The following COL6A3 variants were observed in gnomAD, a reference collection of about 807,000 sequenced individuals.
COL6A3 encodes the protein collagen type VI alpha 3 chain.
In COL6A3, 137 loss-of-function variants were observed where a neutral mutation model predicts 274.1. The ratio of observed to expected loss-of-function variants is 0.50; its 90% CI spans 0.44 to 0.58. The LOEUF (loss-of-function observed/expected upper bound fraction) is 0.58, where lower values mean the gene tolerates loss of function less well. Ranked by LOEUF, COL6A3 falls within the 20% of genes least tolerant of loss-of-function variation. COL6A3 has a pLI of 0.00. For synonymous variants in COL6A3, 1,650 were observed against 1,650.6 expected, an observed-to-expected ratio of 1.00 and a Z score of 0.01; for missense variants, 3,950 against 4,124.9, an observed-to-expected ratio of 0.96 and a Z score of 1.16.
intron 23 of COL6A3, 92 bp downstream of exon 23, chr2:237,357,246 G>C (rs1008450501): frequency 9.7e-6 from 10 of 1,026,820 alleles, no homozygotes. Context: ...TCACTGCAGA[G>C]CTGTGGACTA....
At position 237,365,803 on chromosome 2, in the gene COL6A3, G is replaced by A. The variant is rs778764354; in HGVS notation, c.5733C>T (p.Leu1911=). The A allele has an allele frequency of 1.6e-5, 26 of 1,614,048 alleles. No individual in the cohort carries two copies. The highest frequency in any genetic ancestry group is 2.7e-5 in the African/African-American group (2 of 74,920). ...GGCTGCGCATGTTCCGGAACTTCTC[G>A]AGCATCTCTGGCTGGTACTCGTCAA... ...FDFDEYQPEM[L]EKFRNMRSQH... is the part of the protein sequence containing the mutation. Residue 1911 remains leucine, a synonymous_variant, in exon 12 of 44, where the codon CTC becomes CTT. Transcript: ENST00000295550.
chr2:237,366,571 T>A, intron 11 of COL6A3, 116 bp downstream of exon 11: 2 of 1,505,584 alleles, frequency 1.3e-6, no homozygotes, highest in Non-Finnish European at 1.8e-6. Context: ...TATAAGTAAA[T>A]GTATGAAGCA....
chr2:237,375,918 C>A (rs1476483882), intron 7 of COL6A3, among the ~76,000 whole-genome samples: 1 of 152,166 alleles, frequency 6.6e-6, no homozygotes, highest in Non-Finnish European at 1.5e-5. Flanking sequence ...AATATAGGGA[C>A]CCCTTTTATT....
chr2:237,330,960 C>A (rs532121740), intron 42 of COL6A3, among the ~76,000 whole-genome samples: 63 of 152,230 alleles, frequency 4.1e-4, no homozygotes, highest in African/African-American at 1.3e-3. Context: ...ATGAAAAATA[C>A]AGATTCTTAA....
At chr2:237,341,449 C>T (rs1044978195) in intron 37 of COL6A3, among the ~76,000 whole-genome samples, 3 of 146,128 alleles carry the variant, frequency 2.1e-5, no homozygotes, top group African/African-American at 5.1e-5. Context: ...GAGGCTGAGG[C>T]AGGAGAATCG....
In COL6A3 at chr2:237,388,010, G is replaced by A; in HGVS notation, c.884C>T (p.Ser295Phe). Reference protein sequence around the residue: ...QFSDEPRTMFSLDTYSTKAQV... With the variant: ...QFSDEPRTMFFLDTYSTKAQV... The stretch of plus-strand genomic sequence containing the variant: ...GGCCTTGGTGGAGTAGGTGTCCAAG[G>A]AGAACATGGTTCTGGGCTCATCGCT... Residue 295 changes from serine (S) to phenylalanine (F), a missense_variant, in exon 4 of 44, where the codon TCC becomes TTC. This residue lies in a region of COL6A3 where 1,934 missense variants were observed against 1,984.3 expected (regional missense o/e 0.97). Coordinates refer to ENST00000295550, the MANE Select transcript of COL6A3 (RefSeq NM_004369.4). 3 of 1,614,232 alleles carry A rather than the reference G, an allele frequency of 1.9e-6. No individual in the cohort carries two copies. Among genetic ancestry groups the A allele is most frequent in the African/African-American group, 1.3e-5 (1 of 75,060 alleles).
At position 237,324,755 on chromosome 2, in the gene COL6A3, T is replaced by C. The variant is rs1482771155; in HGVS notation, c.*19A>G. The stretch of plus-strand genomic sequence containing the variant: ...GACTCCTTCTTCTTCAAGAGGTATA[T>C]GATGTTGGCCACCCACGCTTAGGTT... On this transcript the variant is annotated 3_prime_UTR_variant, in exon 44 of 44. Transcript: ENST00000295550. The C allele has an allele frequency of 9.3e-6, 15 of 1,613,584 alleles. No individual in the cohort carries two copies. Among genetic ancestry groups the C allele is most frequent in the Non-Finnish European group, 1.3e-5 (15 of 1,179,766 alleles).
intron 1 of COL6A3, among the ~76,000 whole-genome samples, chr2:237,402,635 G>T (rs2078620715): frequency 6.6e-6 from 1 of 152,092 alleles, no homozygotes; most frequent in Non-Finnish European, 1.5e-5. Context: ...AATAAGATTT[G>T]GAAAGAAATA....
chr2:237,329,654 G>A (rs996807235), intron 42 of COL6A3: 1 of 152,096 alleles, frequency 6.6e-6, no homozygotes, highest in Non-Finnish European at 1.5e-5. Context: ...ACCATTTTAT[G>A]CTAATTGATG....
intron 7 of COL6A3, 50 bp downstream of exon 7, chr2:237,376,722 C>A: frequency 6.3e-7 from 1 of 1,585,018 alleles, no homozygotes; most frequent in Admixed American, 1.7e-5. Context: ...ACCCTCAACT[C>A]ATGCATTAGA....
rs1037560673 is a variant in COL6A3, at chr2:237,413,471, T to C, written c.-31+482A>G. Among the ~76,000 whole-genome samples, 1 of 152,174 alleles carries C rather than the reference T, an allele frequency of 6.6e-6. No homozygotes were observed. The highest frequency in any genetic ancestry group is 1.5e-5 in the Non-Finnish European group (1 of 68,022). ...ACCAGGACCTTCCCATGGGCGGCCC[T>C]GGGCAGAAAACCCATGCAGGTTGTT... is the stretch of plus-strand genomic sequence containing the variant. On this transcript the variant is annotated intron_variant, in intron 1 of 43. Transcript: ENST00000295550. This position sits in a 1 kb window ranked among gnomAD's most constrained non-coding sequence, Gnocchi z 4.0.
intron 1 of COL6A3, among the ~76,000 whole-genome samples, chr2:237,412,141 C>G (rs919268468): frequency 6.6e-6 from 1 of 152,228 alleles, no homozygotes; most frequent in Non-Finnish European, 1.5e-5. Context: ...TTCCTACATC[C>G]TGATCTTTGT....
At chr2:237,367,451 T>C (rs937734425) in intron 10 of COL6A3, among the ~76,000 whole-genome samples, 165 bp from the exon 11 acceptor site, 3 of 152,196 alleles carry the variant, frequency 2.0e-5, no homozygotes, top group African/African-American at 7.2e-5. Context: ...GTTCCTGAAT[T>C]TGCAGCTCCC....
rs768088549 is a variant in COL6A3 at position 237,336,152 on chromosome 2, G to A, written c.8948C>T (p.Ala2983Val). 1 of 1,613,484 alleles carries A rather than the reference G, an allele frequency of 6.2e-7. No homozygotes were observed. Residue 2983 changes from alanine to valine, a missense_variant, in exon 40 of 44, where the codon GCC (alanine) becomes GTC (valine). Transcript: ENST00000295550. ...TTTCTTACCCATGGGCTTAGTGGTG[G>A]CTGGCTTGGTGGCAGCTGGTTTGGC... ...QAAKPAATKP[A>V]TTKPMVKMSR...
At chr2:237,375,282 G>A (rs1268210094) in intron 7 of COL6A3, among the ~76,000 whole-genome samples, 1 of 152,178 alleles carries the variant, frequency 6.6e-6, no homozygotes, top group Non-Finnish European at 1.5e-5. Context: ...GAAGATGTAA[G>A]GATGGAAACA....
Position 237,339,150 on chromosome 2 carries a change from C to T in COL6A3, c.8465-33G>A, listed in dbSNP as rs112546479. ...AAAAAAACAAAGAAAACAATTGAAC[C>T]GCATGCTAATAACATGAAAATTAAA... On this transcript the variant is annotated intron_variant, in intron 38 of 43. Transcript: ENST00000295550. 1.6e-4 allele frequency: 229 copies of T among 1,433,770 alleles called. 1 individual carries two copies. Among genetic ancestry groups the T allele is most frequent in the African/African-American group, 2.7e-4 (19 of 71,532 alleles). The allele number at this position is 1,433,770 out of a possible 1,614,324, so 88.8% of individuals were successfully genotyped here. A position where few individuals can be genotyped will look rare whatever the true frequency, so the allele number is the denominator to read the frequency against.
chr2:237,360,310 G>C, intron 16 of COL6A3, 151 bp from the exon 17 acceptor site: 1 of 791,428 alleles, frequency 1.3e-6, no homozygotes, highest in Non-Finnish European at 2.1e-6. Context: ...ACGTGAGCCA[G>C]GGAGCCTCTT....
Position 237,375,027 on chromosome 2 carries a change from G to C in COL6A3, c.3071-7C>G, listed in dbSNP as rs370229367. 15 of 1,613,158 alleles carry C rather than the reference G, an allele frequency of 9.3e-6. No homozygotes were observed. In the East Asian group the frequency reaches 1.1e-4, roughly 12 times the overall value. On this transcript the variant is annotated splice_region_variant and splice_polypyrimidine_tract_variant and intron_variant, in intron 7 of 43. Coordinates refer to ENST00000295550, the MANE Select transcript of COL6A3 (RefSeq NM_004369.4). ...ACGTCCTTTTCACCTGAAACTGGGA[G>C]GAGGACAGCCTGGTAACTCACACAG...
rs752501337 is a variant in COL6A3 at position 237,324,831 on chromosome 2, G to T, written c.9494-17C>A. The T allele has an allele frequency of 8.7e-6, 14 of 1,612,400 alleles. No individual in the cohort carries two copies. The East Asian group carries it at 1.8e-4, about 21-fold the overall frequency. On this transcript the variant is annotated splice_polypyrimidine_tract_variant and intron_variant, in intron 43 of 43. Coordinates refer to ENST00000295550, the MANE Select transcript of COL6A3 (RefSeq NM_004369.4). The stretch of plus-strand genomic sequence containing the variant: ...TGGCGAGCACTGAGCGTCGAGAGAG[G>T]GGGTGGGTGGGGTGAGGTGAGGAGC...
Sources: gnomAD v4.1 joint callset for allele counts (sites outside exome capture counted in the v4.1 genomes callset) on GRCh38, gnomAD v4.1.1 for gene constraint, gnomAD v4.1.1 regional missense constraint, Gnocchi (gnomAD v3.1) non-coding constraint, MANE v1.5 for transcripts, NCBI Gene and HGNC (gene_info 2026-07-23, HGNC 2026-07-21) for gene names.